The following ALPL variants were observed in gnomAD, a reference collection of about 807,000 sequenced individuals.
ALPL encodes the protein alkaline phosphatase, tissue-nonspecific isozyme.
ALPL carries 42 observed loss-of-function variants against 51.3 expected under a neutral mutation model. The observed-to-expected ratio is 0.82, with a 90% confidence interval of 0.64 to 1.06. The LOEUF is 1.06. Ranked by LOEUF, ALPL falls within the 50% of genes least tolerant of loss-of-function variation. The probability of loss-of-function intolerance (pLI) is 0.00; values close to 1 mark genes in which losing one functional copy is unlikely to be tolerated. For missense variants in ALPL, 589 were observed against 709.4 expected, an observed-to-expected ratio of 0.83 and a Z score of 1.93; for synonymous variants, 279 against 296.4, an observed-to-expected ratio of 0.94 and a Z score of 0.60.
At chr1:21,540,630 T>A (rs1162296845) in intron 1 of ALPL, among the ~76,000 whole-genome samples, 3 of 152,162 alleles carry the variant, frequency 2.0e-5, no homozygotes, top group African/African-American at 7.2e-5. Context: ...AGGCTGCCCC[T>A]CTGTCCTGAA....
intron 1 of ALPL, among the ~76,000 whole-genome samples, chr1:21,538,844 G>A (rs938740893): frequency 2.0e-5 from 3 of 152,278 alleles, no homozygotes; most frequent in Non-Finnish European, 4.4e-5. Context: ...ACAAGATACC[G>A]TGCAAAGATC....
intron 1 of ALPL, among the ~76,000 whole-genome samples, chr1:21,545,376 C>G (rs1390140744): frequency 6.6e-6 from 1 of 151,984 alleles, no homozygotes; most frequent in African/African-American, 2.4e-5. Flanking sequence ...CTACAACCTC[C>G]GCCACCCGGG....
Position 21,561,080 on chromosome 1 carries a change from C to T in ALPL, c.182-17C>T. 6.3e-7 allele frequency: 1 copy of T among 1,593,010 alleles called. No individual in the cohort carries two copies. Among genetic ancestry groups the T allele is most frequent in the South Asian group, 1.1e-5 (1 of 88,120 alleles). On this transcript the variant is annotated splice_polypyrimidine_tract_variant and intron_variant, in intron 3 of 11. Transcript: ENST00000374840. The stretch of plus-strand genomic sequence containing the variant: ...GGCAGGAGCACGAGAGACTGAGGCC[C>T]CCACTCCCCACTGCAGGGATGGGTG...
intron 8 of ALPL, 129 bp from the exon 9 acceptor site, chr1:21,573,536 C>T: frequency 3.4e-6 from 4 of 1,171,244 alleles, no homozygotes; most frequent in South Asian, 1.3e-5. Context: ...AGGATCCTCC[C>T]AGCCACCATA....
chr1:21,549,449 G>A (rs773706910), intron 1 of ALPL, among the ~76,000 whole-genome samples: 10 of 151,752 alleles, frequency 6.6e-5, no homozygotes, highest in Non-Finnish European at 1.0e-4. Flanking sequence ...CCCAAACGCC[G>A]AAAGGCTGAA....
chr1:21,570,176 G>A (rs1050828272), intron 7 of ALPL, 129 bp from the exon 8 acceptor site: 3 of 864,688 alleles, frequency 3.5e-6, no homozygotes, highest in African/African-American at 3.3e-5. Context: ...GGGATGGTGG[G>A]TCCTCAGGGA....
At chr1:21,544,908 G>GT (rs374288374) in intron 1 of ALPL, among the ~76,000 whole-genome samples, 2,617 of 150,092 alleles carry the variant, frequency 0.017, 59 homozygotes, top group African/African-American at 0.045. Context: ...GTTTTGTTTT[G>GT]TTTTTTTTTC....
Position 21,576,643 on chromosome 1 carries a change from T to C in ALPL, c.1309+2T>C. On this transcript the variant is annotated splice_donor_variant, in intron 11 of 11. Transcript: ENST00000374840. LOFTEE classifies it high-confidence loss of function. ...AGAATGTCTCCATGGTGGACTATGG[T>C]GAGACCTCCAGGACCCAGGGCTGGG... The C allele has an allele frequency of 1.2e-6, 2 of 1,613,592 alleles. No individual in the cohort carries two copies. Among genetic ancestry groups the C allele is most frequent in the Non-Finnish European group, 1.7e-6 (2 of 1,179,718 alleles).
At chr1:21,569,284 G>T (rs1341087825) in intron 7 of ALPL, among the ~76,000 whole-genome samples, 1 of 152,182 alleles carries the variant, frequency 6.6e-6, no homozygotes, top group African/African-American at 2.4e-5. Flanking sequence ...CATCCTCCTT[G>T]CCCAGGCAGG....
intron 1 of ALPL, among the ~76,000 whole-genome samples, chr1:21,544,164 G>A (rs1644224950): frequency 6.6e-6 from 1 of 152,258 alleles, no homozygotes; most frequent in East Asian, 1.9e-4. Flanking sequence ...CAGGTCAGGT[G>A]TGTCACAGTC....
At chr1:21,517,247 A>C (rs1210304688) in intron 1 of ALPL, among the ~76,000 whole-genome samples, 1 of 152,248 alleles carries the variant, frequency 6.6e-6, no homozygotes, top group East Asian at 1.9e-4. Context: ...TGTGTCAGAA[A>C]CTGAGCTAAT....
intron 1 of ALPL, among the ~76,000 whole-genome samples, chr1:21,521,440 C>G (rs997771148): frequency 3.3e-5 from 5 of 152,224 alleles, no homozygotes; most frequent in Admixed American, 6.5e-5. Context: ...TTGCCTTGGC[C>G]TCCCAAAGTG....
intron 1 of ALPL, among the ~76,000 whole-genome samples, chr1:21,553,593 C>T (rs1644359946): frequency 6.6e-6 from 1 of 152,184 alleles, no homozygotes; most frequent in Admixed American, 6.5e-5. Context: ...GGAGCCTCAC[C>T]AGTGGGCCGG....
intron 7 of ALPL, among the ~76,000 whole-genome samples, chr1:21,568,625 GCAGGCGCCCTGGGGGGACAGATGA>G (rs1644603125): frequency 1.3e-5 from 2 of 152,102 alleles, no homozygotes; most frequent in African/African-American, 4.8e-5. Flanking sequence ...GCCTGGCTCT[GCAGGCGCCCTGGGGGGACAGATGA>G]CAGGGAGGAG....
At chr1:21,523,021 C>T (rs1446325434) in intron 1 of ALPL, among the ~76,000 whole-genome samples, 2 of 152,178 alleles carry the variant, frequency 1.3e-5, no homozygotes, top group African/African-American at 4.8e-5. Flanking sequence ...CGCAGTGGCC[C>T]CTGCCTGTAA....
rs778098354 is a variant in ALPL at position 21,573,844 on chromosome 1, C to T, written c.997+45C>T. On this transcript the variant is annotated intron_variant, in intron 9 of 11. Coordinates refer to ENST00000374840, the MANE Select transcript of ALPL (RefSeq NM_000478.6). ...TGAGAGGGGGCTGCTGGAAACACGGCCCTGGTGTCAGGATGGAGAAGTCCA... is the reference window on the plus strand; with the variant it reads ...TGAGAGGGGGCTGCTGGAAACACGGTCCTGGTGTCAGGATGGAGAAGTCCA... 3.7e-6 allele frequency: 6 copies of T among 1,613,288 alleles called. No homozygotes were observed. In the South Asian group the frequency reaches 5.5e-5, roughly 15 times the overall value.
intron 1 of ALPL, among the ~76,000 whole-genome samples, chr1:21,519,970 G>A (rs1053859230): frequency 3.5e-4 from 53 of 152,140 alleles, no homozygotes; most frequent in African/African-American, 1.3e-3. Flanking sequence ...CGCAGGAGTG[G>A]TGGCTCAGCA....
At chr1:21,533,935 A>AAGAAG (rs748396808) in intron 1 of ALPL, among the ~76,000 whole-genome samples, 56 of 100,486 alleles carry the variant, frequency 5.6e-4, no homozygotes, top group African/African-American at 1.1e-3. Context: ...AAAAAAAAAA[A>AAGAAG]AAGAAGAAGA....
chr1:21,527,841 G>A (rs1274264945), intron 1 of ALPL, among the ~76,000 whole-genome samples: 2 of 151,944 alleles, frequency 1.3e-5, no homozygotes, highest in African/African-American at 2.4e-5. Flanking sequence ...TGACCACCAC[G>A]CCCGGCCAGC....
Sources: allele counts gnomAD v4.1 joint callset (sites outside exome capture counted in the v4.1 genomes callset), GRCh38; gene constraint gnomAD v4.1.1; transcripts MANE v1.5; gene names NCBI Gene and HGNC (gene_info 2026-07-23, HGNC 2026-07-21).